Variants in PIK3R1 observed in about 807,000 individuals in gnomAD.
PIK3R1 encodes phosphoinositide-3-kinase regulatory subunit 1.
A neutral mutation model predicts 98.0 loss-of-function variants in PIK3R1; 29 were observed. The ratio of observed to expected loss-of-function variants is 0.30; its 90% confidence interval spans 0.22 to 0.40. The LOEUF (loss-of-function observed/expected upper bound fraction) is 0.40. PIK3R1 is among the 10% of genes least tolerant of loss of function. PIK3R1 has a pLI of 1.00. For synonymous variants in PIK3R1, 282 were observed against 311.8 expected, an observed-to-expected ratio of 0.90 and a Z score of 1.01; for missense variants, 596 against 872.7, an observed-to-expected ratio of 0.68 and a Z score of 3.99.
At chr5:68,261,238 A>G (rs1054995478) in intron 2 of PIK3R1, among the ~76,000 whole-genome samples, 1 of 152,166 alleles carries the variant, frequency 6.6e-6, no homozygotes, top group Admixed American at 6.5e-5. Context: ...TCTCCTTGAC[A>G]TTTTCTCCAA....
chr5:68,235,590 T>C (rs558249112), intron 2 of PIK3R1, among the ~76,000 whole-genome samples: 7 of 152,160 alleles, frequency 4.6e-5, no homozygotes, highest in Non-Finnish European at 1.0e-4. Context: ...CATTGTTAAT[T>C]AAATCTCACC....
In PIK3R1 at chr5:68,295,518, G is replaced by GAAGATTTTTCTCATTTTAGGA. The variant is rs755885943; in HGVS notation, c.1814+33_1814+53dup. The GAAGATTTTTCTCATTTTAGGA allele has an allele frequency of 2.0e-4, 316 of 1,588,744 alleles. 2 individuals are homozygous for GAAGATTTTTCTCATTTTAGGA. Among genetic ancestry groups the GAAGATTTTTCTCATTTTAGGA allele is most frequent in the Non-Finnish European group, 5.2e-6 (6 of 1,157,014 alleles). ...GTAGTTACTAAAGATGGTGATAGCA[G>GAAGATTTTTCTCATTTTAGGA]AAGATTTTTCTCATTTTAGGAAAAT... On this transcript the variant is annotated intron_variant, in intron 14 of 15. Coordinates refer to ENST00000521381, the MANE Select transcript of PIK3R1 (RefSeq NM_181523.3).
Position 68,301,364 on chromosome 5 carries a change from ATATGTGTGTGTGTGTG to A in PIK3R1, c.*3765_*3780del. 1 of 37,408 alleles carries A rather than the reference ATATGTGTGTGTGTGTG, an allele frequency of 2.7e-5. No individual in the cohort carries two copies. The highest frequency in any genetic ancestry group is 4.7e-5 in the Non-Finnish European group (1 of 21,230). The allele number at this position is 37,408 out of a possible 1,614,324, so 2.3% of individuals were successfully genotyped here. ...CTGCTATATATATATATATATATAT[ATATGTGTGTGTGTGTG>A]TGTGTGTGTGTGTATATATATATAT... is the stretch of plus-strand genomic sequence containing the variant. On this transcript the variant is annotated 3_prime_UTR_variant, in exon 16 of 16. Transcript: ENST00000521381.
At chr5:68,260,876 C>T (rs1745715648) in intron 2 of PIK3R1, among the ~76,000 whole-genome samples, 1 of 152,158 alleles carries the variant, frequency 6.6e-6, no homozygotes, top group African/African-American at 2.4e-5. Context: ...TTGTTAGATC[C>T]ACATACAGAA....
chr5:68,288,639 G>A, intron 7 of PIK3R1: 1 of 1,598,186 alleles, frequency 6.3e-7, no homozygotes, highest in Admixed American at 1.7e-5. Flanking sequence ...AGGCTGGGGG[G>A]AGGTGCGGGG....
intron 2 of PIK3R1, among the ~76,000 whole-genome samples, chr5:68,243,480 A>G (rs1354109895): frequency 1.3e-5 from 2 of 152,238 alleles, no homozygotes; most frequent in Admixed American, 1.3e-4. Context: ...AAATTCTTCA[A>G]GGGAAGTTGC....
At chr5:68,259,581 A>G (rs563916341) in intron 2 of PIK3R1, among the ~76,000 whole-genome samples, 1 of 152,358 alleles carries the variant, frequency 6.6e-6, no homozygotes, top group East Asian at 1.9e-4. Flanking sequence ...GTAAACATAC[A>G]CCAGATATGC....
intron 2 of PIK3R1, among the ~76,000 whole-genome samples, chr5:68,262,658 TG>T (rs1228897633): frequency 1.5e-5 from 2 of 136,064 alleles, no homozygotes; most frequent in African/African-American, 6.0e-5. Context: ...TGTATCTGCA[TG>T]TATACACATG....
At chr5:68,233,074 G>GA (rs1170534074) in intron 2 of PIK3R1, among the ~76,000 whole-genome samples, 3 of 151,918 alleles carry the variant, frequency 2.0e-5, no homozygotes, top group Admixed American at 6.6e-5. Context: ...CTCTGAGTTA[G>GA]AAAAAAAATT....
chr5:68,237,423 G>A (rs1021742680), intron 2 of PIK3R1, among the ~76,000 whole-genome samples: 1 of 152,096 alleles, frequency 6.6e-6, no homozygotes, highest in South Asian at 2.1e-4. Context: ...GAATTCCAAG[G>A]GCAGAGGGGT....
At chr5:68,294,867 G>A (rs1747611315) in intron 12 of PIK3R1, among the ~76,000 whole-genome samples, 189 bp downstream of exon 12, 1 of 151,972 alleles carries the variant, frequency 6.6e-6, no homozygotes, top group Non-Finnish European at 1.5e-5. Flanking sequence ...GCTAGATGAC[G>A]AGTTAGTGGG....
At chr5:68,254,129 G>A (rs1014323205) in intron 2 of PIK3R1, among the ~76,000 whole-genome samples, 1 of 152,138 alleles carries the variant, frequency 6.6e-6, no homozygotes, top group African/African-American at 2.4e-5. Flanking sequence ...CAGTGTTGGA[G>A]CAAACTTCTC....
At chr5:68,236,606 A>G (rs540755526) in intron 2 of PIK3R1, among the ~76,000 whole-genome samples, 6 of 152,216 alleles carry the variant, frequency 3.9e-5, no homozygotes, top group Non-Finnish European at 7.3e-5. Flanking sequence ...AAATATTTAA[A>G]AAGTGATCAT....
rs1036045344 is a variant in PIK3R1 at position 68,226,553 on chromosome 5, T to A, written c.-123T>A. On this transcript the variant is annotated 5_prime_UTR_variant, in exon 2 of 16. Transcript: ENST00000521381. ...TAAACCTTTGGAGAGTGGTCCTTTGTCCTCTGCTGGACACATAATAGGAAT... is the reference window on the plus strand; with the variant it reads ...TAAACCTTTGGAGAGTGGTCCTTTGACCTCTGCTGGACACATAATAGGAAT... 29 of 768,522 alleles carry A rather than the reference T, an allele frequency of 3.8e-5. No homozygotes were observed. The Admixed American group carries it at 4.2e-4, about 11-fold the overall frequency. The allele number at this position is 768,522 out of a possible 1,614,324, so 47.6% of individuals were successfully genotyped here. A position where few individuals can be genotyped will look rare whatever the true frequency, so the allele number is the denominator to read the frequency against.
chr5:68,282,503 C>CA (rs1746891467), intron 7 of PIK3R1, among the ~76,000 whole-genome samples: 1 of 152,144 alleles, frequency 6.6e-6, no homozygotes, highest in South Asian at 2.1e-4. Context: ...GACAGATACC[C>CA]ACAAATGAAT....
chr5:68,288,555 C>A, intron 7 of PIK3R1: 1 of 1,504,486 alleles, frequency 6.6e-7, no homozygotes, highest in Non-Finnish European at 8.8e-7. Context: ...CTGTGCACGC[C>A]CGGAGGGTCC....
At position 68,300,695 on chromosome 5, in the gene PIK3R1, TGAGTTC is replaced by T. The variant is rs1441686342; in HGVS notation, c.*3095_*3100del. On this transcript the variant is annotated 3_prime_UTR_variant, in exon 16 of 16. Transcript: ENST00000521381. Reference sequence around the variant, plus strand: ...GCCAAAACAGATCCACAGTAGTTGTTGAGTTCAAGTACATAAAGTACATAACAAGCG... The same window carrying T: ...GCCAAAACAGATCCACAGTAGTTGTTAAGTACATAAAGTACATAACAAGCG... The T allele has an allele frequency of 8.6e-6, 2 of 233,210 alleles. No homozygotes were observed. The highest frequency in any genetic ancestry group is 4.4e-5 in the African/African-American group (2 of 45,366). 14.4% of individuals were successfully genotyped at this position (233,210 alleles called of 1,614,324 possible). A position where few individuals can be genotyped will look rare whatever the true frequency, so the allele number is the denominator to read the frequency against.
intron 2 of PIK3R1, among the ~76,000 whole-genome samples, chr5:68,231,643 T>C (rs1189049441): frequency 6.6e-6 from 1 of 152,256 alleles, no homozygotes; most frequent in Admixed American, 6.5e-5. Context: ...ACACCTCTGC[T>C]GAGCCCGTTG....
At chr5:68,228,684 C>T (rs899346584) in intron 2 of PIK3R1, among the ~76,000 whole-genome samples, 34 of 149,364 alleles carry the variant, frequency 2.3e-4, no homozygotes, top group East Asian at 1.4e-3. Context: ...TTAATTTTTC[C>T]GAGAATACAG....
Sources: allele counts gnomAD v4.1 joint callset (sites outside exome capture counted in the v4.1 genomes callset), GRCh38; gene constraint gnomAD v4.1.1; transcripts MANE v1.5; gene names NCBI Gene and HGNC (gene_info 2026-07-23, HGNC 2026-07-21).